The following PAPPA variants were observed in gnomAD, a reference collection of about 807,000 sequenced individuals.
PAPPA encodes the protein pappalysin 1.
Under a neutral mutation model 164.0 loss-of-function variants are expected in PAPPA, and 60 were observed. That is an observed-to-expected ratio of 0.37 (90% confidence interval 0.30 to 0.45). PAPPA has a LOEUF of 0.45. Ranked by LOEUF, PAPPA falls within the 20% of genes least tolerant of loss-of-function variation. The pLI is 1.00. For missense variants in PAPPA, 1,782 were observed against 2,087.3 expected (o/e 0.85, Z 2.85); for synonymous variants, 875 against 814.1 (o/e 1.07, Z -1.27).
chr9:116,230,555 C>G (rs935065312), intron 6 of PAPPA, among the ~76,000 whole-genome samples: 10 of 152,136 alleles, frequency 6.6e-5, no homozygotes, highest in Non-Finnish European at 1.2e-4. Context: ...AATATAATAT[C>G]CTTTCTAGCT....
intron 1 of PAPPA, among the ~76,000 whole-genome samples, chr9:116,162,320 G>C (rs983114409): frequency 1.3e-5 from 2 of 152,084 alleles, no homozygotes; most frequent in Admixed American, 1.3e-4. Context: ...GTATTGTGAC[G>C]ATACACACAC....
chr9:116,263,751 T>C (rs542962020), intron 7 of PAPPA, among the ~76,000 whole-genome samples: 4 of 152,280 alleles, frequency 2.6e-5, no homozygotes, highest in African/African-American at 9.6e-5. Context: ...TGTTTTCTTG[T>C]CTCTGTGTTG....
In PAPPA at chr9:116,279,075, T is replaced by C. The variant is rs557229339; in HGVS notation, c.2953+7659T>C. 2.0e-5 allele frequency among the ~76,000 whole-genome samples: 3 copies of C among 152,354 alleles called. No homozygotes were observed. The South Asian group carries it at 6.2e-4, about 32-fold the overall frequency. On this transcript the variant is annotated intron_variant, in intron 9 of 21. Coordinates refer to ENST00000328252, the MANE Select transcript of PAPPA (RefSeq NM_002581.5). Reference sequence around the variant, plus strand: ...TTTGCAAAATGATCAAACCTCCTAGTTCTCAGTTTCCCCACTGTAAAATAA... The same window carrying C: ...TTTGCAAAATGATCAAACCTCCTAGCTCTCAGTTTCCCCACTGTAAAATAA...
intron 10 of PAPPA, among the ~76,000 whole-genome samples, chr9:116,319,185 T>TGCGGAGG (rs1845822980): frequency 6.6e-6 from 1 of 152,166 alleles, no homozygotes; most frequent in Non-Finnish European, 1.5e-5. Flanking sequence ...GGAGCAGGCC[T>TGCGGAGG]GCGGAGGGCC....
At chr9:116,260,028 T>C (rs953290251) in intron 7 of PAPPA, among the ~76,000 whole-genome samples, 2 of 152,134 alleles carry the variant, frequency 1.3e-5, no homozygotes, top group Admixed American at 1.3e-4. Context: ...ATATGTGTGA[T>C]CTCAAACAAT....
At chr9:116,387,548 A>AT (rs547573883) in intron 21 of PAPPA, among the ~76,000 whole-genome samples, 16 of 152,022 alleles carry the variant, frequency 1.1e-4, no homozygotes, top group Non-Finnish European at 1.6e-4. Context: ...TAATTTTCAT[A>AT]TTTTTTGTAG....
intron 2 of PAPPA, among the ~76,000 whole-genome samples, chr9:116,198,209 G>T (rs1211301156): frequency 6.6e-6 from 1 of 152,194 alleles, no homozygotes; most frequent in African/African-American, 2.4e-5. Flanking sequence ...TTGCAAGAAT[G>T]ATTGTCTGAC....
intron 18 of PAPPA, among the ~76,000 whole-genome samples, chr9:116,362,970 G>C (rs968562686): frequency 1.3e-5 from 2 of 152,186 alleles, no homozygotes; most frequent in Non-Finnish European, 2.9e-5. Flanking sequence ...ATACAGAAAA[G>C]CTGTCAGGTG....
chr9:116,351,383 G>C (rs1243991729), intron 15 of PAPPA, among the ~76,000 whole-genome samples: 2 of 152,174 alleles, frequency 1.3e-5, no homozygotes, highest in African/African-American at 2.4e-5. Context: ...AGGAAAGGAG[G>C]GAAGAAGGAA....
chr9:116,177,584 G>A (rs553956739), intron 1 of PAPPA, among the ~76,000 whole-genome samples: 30 of 152,286 alleles, frequency 2.0e-4, no homozygotes, highest in Admixed American at 4.6e-4. Context: ...ATGGTGAAGG[G>A]TCAGTCTTGG....
At chr9:116,319,346 G>A (rs1020951348) in intron 10 of PAPPA, among the ~76,000 whole-genome samples, 2 of 152,162 alleles carry the variant, frequency 1.3e-5, no homozygotes, top group African/African-American at 4.8e-5. Context: ...TCCTCAAAAC[G>A]GGCATCTGGG....
chr9:116,171,451 C>A (rs1237003038), intron 1 of PAPPA, among the ~76,000 whole-genome samples: 1 of 152,094 alleles, frequency 6.6e-6, no homozygotes. Context: ...TGGTCCAAGG[C>A]TCTAGGACAC....
chr9:116,235,596 T>C lies in PAPPA; in HGVS notation c.2691T>C (p.Asp897=), dbSNP rs1477528626. 1.2e-6 allele frequency: 2 copies of C among 1,613,350 alleles called. No homozygotes were observed. The highest frequency in any genetic ancestry group is 8.5e-7 in the Non-Finnish European group (1 of 1,179,836). Residue 897 remains aspartate, a synonymous_variant, in exon 7 of 22, where the codon GAT becomes GAC. Coordinates refer to ENST00000328252, the MANE Select transcript of PAPPA (RefSeq NM_002581.5). ...TCCGGGACCCTCCTCTCCAGATGGA[T>C]GTGGCCTCCATCCTACATCTCAATA... is the stretch of plus-strand genomic sequence containing the variant. ...KVVRDPPLQM[D]VASILHLNRK... is the part of the protein sequence containing the mutation.
At chr9:116,209,910 A>G (rs1195174507) in intron 3 of PAPPA, among the ~76,000 whole-genome samples, 1 of 152,154 alleles carries the variant, frequency 6.6e-6, no homozygotes, top group African/African-American at 2.4e-5. Context: ...TATGTCAGCT[A>G]ACTCCAGCTG....
intron 21 of PAPPA, among the ~76,000 whole-genome samples, chr9:116,389,298 A>G (rs1241648095): frequency 6.6e-6 from 1 of 151,800 alleles, no homozygotes; most frequent in Non-Finnish European, 1.5e-5. Context: ...ACACCTGGCT[A>G]ATTTTTGTAT....
intron 21 of PAPPA, 110 bp downstream of exon 21, chr9:116,382,603 C>G (rs1738416771): frequency 2.7e-6 from 2 of 745,976 alleles, no homozygotes; most frequent in Admixed American, 3.8e-5. Flanking sequence ...TCTGCCAGCA[C>G]TGTCCACACG....
intron 10 of PAPPA, chr9:116,316,638 A>C (rs1244379017): frequency 6.6e-6 from 1 of 152,320 alleles, no homozygotes; most frequent in African/African-American, 2.4e-5. Flanking sequence ...CACTGTTTCT[A>C]CCTCTGAAGC....
rs556755060 is a variant in PAPPA, at chr9:116,342,841, G to C, written c.3612-1702G>C. Among the ~76,000 whole-genome samples, 8 of 152,276 alleles carry C rather than the reference G, an allele frequency of 5.3e-5. No individual in the cohort carries two copies. The South Asian group carries it at 1.7e-3, about 32-fold the overall frequency. ...CACAGTCAGAGAGGCAAAAGTCAGA[G>C]AAAACTGCCCCCTAGAAGCTTTTAC... On this transcript the variant is annotated intron_variant, in intron 13 of 21. Transcript: ENST00000328252.
chr9:116,244,339 A>G (rs1844771796), intron 7 of PAPPA, among the ~76,000 whole-genome samples: 2 of 152,242 alleles, frequency 1.3e-5, no homozygotes, highest in South Asian at 4.1e-4. Context: ...ACAGATGGGC[A>G]AACTGAGACC....
Sources: allele counts gnomAD v4.1 joint callset (sites outside exome capture counted in the v4.1 genomes callset), GRCh38; gene constraint gnomAD v4.1.1; transcripts MANE v1.5; gene names NCBI Gene and HGNC (gene_info 2026-07-23, HGNC 2026-07-21).